Variants in ROBO2 observed in about 807,000 individuals in gnomAD.
The protein encoded by ROBO2 is roundabout homolog 2.
Under a neutral mutation model 160.8 loss-of-function variants are expected in ROBO2, and 53 were observed. The ratio of observed to expected loss-of-function variants is 0.33; its 90% CI spans 0.26 to 0.41. The LOEUF (loss-of-function observed/expected upper bound fraction) is 0.41. ROBO2 is among the 10% of genes least tolerant of loss of function. The probability of loss-of-function intolerance (pLI) is 1.00; values close to 1 mark genes in which losing one functional copy is unlikely to be tolerated. For synonymous variants in ROBO2, 664 were observed against 611.7 expected, an observed-to-expected ratio of 1.09 and a Z score of -1.26; for missense variants, 1,577 against 1,722.4, an observed-to-expected ratio of 0.92 and a Z score of 1.49.
At chr3:76,959,668 C>CT (rs998559296) in intron 2 of ROBO2, among the ~76,000 whole-genome samples, 5 of 152,106 alleles carry the variant, frequency 3.3e-5, no homozygotes, top group African/African-American at 1.2e-4. Flanking sequence ...TGAACTTACA[C>CT]TTTTTTATGT....
chr3:76,030,922 A>G (rs970904881), intron 2 of ROBO2, among the ~76,000 whole-genome samples: 1 of 152,132 alleles, frequency 6.6e-6, no homozygotes, highest in African/African-American at 2.4e-5. Context: ...TGGTAGCTTG[A>G]TGGGGATGGC....
At chr3:77,123,020 A>G (rs1159370825) in intron 2 of ROBO2, among the ~76,000 whole-genome samples, 1 of 152,066 alleles carries the variant, frequency 6.6e-6, no homozygotes, top group Non-Finnish European at 1.5e-5. Flanking sequence ...ATTAAAGGAG[A>G]AGAATGGAGA....
intron 5 of ROBO2, among the ~76,000 whole-genome samples, chr3:77,522,301 G>T (rs1203147860): frequency 6.6e-6 from 1 of 151,064 alleles, no homozygotes; most frequent in Non-Finnish European, 1.5e-5. Flanking sequence ...TTTAACTAAT[G>T]CCCATTTTGT....
At chr3:76,018,293 A>ACAAT (rs1414743662) in intron 2 of ROBO2, among the ~76,000 whole-genome samples, 1 of 152,020 alleles carries the variant, frequency 6.6e-6, no homozygotes. Flanking sequence ...AAAAAATATA[A>ACAAT]CAATCATTGT....
At chr3:77,415,814 G>A (rs2077170237) in intron 2 of ROBO2, among the ~76,000 whole-genome samples, 1 of 152,048 alleles carries the variant, frequency 6.6e-6, no homozygotes, top group Admixed American at 6.6e-5. Context: ...CCAGGTTTGA[G>A]CCCCCAAGAA....
intron 2 of ROBO2, among the ~76,000 whole-genome samples, chr3:76,151,072 C>T (rs2072177990): frequency 1.3e-5 from 2 of 151,898 alleles, no homozygotes; most frequent in South Asian, 4.1e-4. Flanking sequence ...TTTTTCTTCC[C>T]CCTTTCCTCT....
chr3:76,821,226 A>G (rs2597229), intron 2 of ROBO2, among the ~76,000 whole-genome samples: 20,814 of 151,990 alleles, frequency 0.14, 1,585 homozygotes, highest in East Asian at 0.24. Context: ...CAGAATATAT[A>G]TGCCTAGAAT....
chr3:77,237,411 T>TTGTGTGTGTGTGTGTGTG (rs71104662), intron 2 of ROBO2, among the ~76,000 whole-genome samples: 2,474 of 131,032 alleles, frequency 0.019, 52 homozygotes, highest in Middle Eastern at 0.029. Flanking sequence ...TTGTTTTGTT[T>TTGTGTGTGTGTGTGTGTG]TGTGTGTGTG....
chr3:77,021,341 C>T (rs2062623131), intron 2 of ROBO2, among the ~76,000 whole-genome samples: 2 of 152,148 alleles, frequency 1.3e-5, no homozygotes, highest in African/African-American at 2.4e-5. Flanking sequence ...TCTCTTGCCC[C>T]TCTTTCATTT....
intron 1 of ROBO2, among the ~76,000 whole-genome samples, chr3:77,078,568 A>G (rs1440764822): frequency 1.3e-5 from 2 of 152,202 alleles, no homozygotes; most frequent in African/African-American, 4.8e-5. Flanking sequence ...TGCGGTTTGC[A>G]TGTCTGATCT....
intron 2 of ROBO2, among the ~76,000 whole-genome samples, chr3:77,339,929 T>A (rs978428824): frequency 2.0e-5 from 3 of 152,112 alleles, no homozygotes; most frequent in East Asian, 1.9e-4. Flanking sequence ...TTGATGCACA[T>A]CATGAATAGC....
chr3:76,501,764 C>A (rs1433962836), intron 2 of ROBO2, among the ~76,000 whole-genome samples: 5 of 152,086 alleles, frequency 3.3e-5, no homozygotes, highest in East Asian at 1.9e-4. Flanking sequence ...ATAGGGATAT[C>A]ATTTTTATAA....
intron 2 of ROBO2, among the ~76,000 whole-genome samples, chr3:76,233,589 C>A (rs1295415213): frequency 6.6e-6 from 1 of 152,166 alleles, no homozygotes; most frequent in Non-Finnish European, 1.5e-5. Flanking sequence ...CAAATACAAC[C>A]TACGCATCAG....
chr3:76,015,370 C>A (rs2066378755), intron 2 of ROBO2, among the ~76,000 whole-genome samples: 1 of 152,062 alleles, frequency 6.6e-6, no homozygotes, highest in Non-Finnish European at 1.5e-5. Context: ...TGATGTTACA[C>A]AGATATTTGA....
At chr3:77,606,944 A>G (rs1180766463) in intron 20 of ROBO2, among the ~76,000 whole-genome samples, 1 of 152,186 alleles carries the variant, frequency 6.6e-6, no homozygotes, top group African/African-American at 2.4e-5. Context: ...ACTGTAGTCC[A>G]CTTTTAAGGA....
At chr3:76,079,594 C>T (rs897773224) in intron 2 of ROBO2, among the ~76,000 whole-genome samples, 10 of 151,632 alleles carry the variant, frequency 6.6e-5, no homozygotes, top group Admixed American at 3.3e-4. Flanking sequence ...AGCAATTCTC[C>T]CACCTCAGCC....
At chr3:76,376,741 C>A (rs1477123529) in intron 2 of ROBO2, among the ~76,000 whole-genome samples, 1 of 152,016 alleles carries the variant, frequency 6.6e-6, no homozygotes, top group African/African-American at 2.4e-5. Flanking sequence ...GGCCAGAGGA[C>A]AAGGGAAAGG....
At chr3:77,215,539 C>G (rs2084811051) in intron 2 of ROBO2, among the ~76,000 whole-genome samples, 2 of 152,276 alleles carry the variant, frequency 1.3e-5, no homozygotes, top group African/African-American at 2.4e-5. Context: ...CCTCCTTTAG[C>G]TCAGAGTATT....
intron 16 of ROBO2, among the ~76,000 whole-genome samples, chr3:77,581,062 A>T (rs1203647118): frequency 6.6e-6 from 1 of 152,046 alleles, no homozygotes; most frequent in African/African-American, 2.4e-5. Context: ...TTTTAACTTA[A>T]ATTTTCTTTT....
Sources: allele counts gnomAD v4.1 joint callset (sites outside exome capture counted in the v4.1 genomes callset), GRCh38; gene constraint gnomAD v4.1.1; transcripts MANE v1.5; gene names NCBI Gene and HGNC (gene_info 2026-07-23, HGNC 2026-07-21).